Variants in NEK10 observed in about 807,000 individuals in gnomAD.
NEK10 encodes serine/threonine-protein kinase Nek10.
NEK10 carries 122 observed loss-of-function variants against 159.8 expected under a neutral mutation model. That is an observed-to-expected ratio of 0.76 (90% CI 0.66 to 0.89). NEK10 has a LOEUF of 0.89. Among genes scored for constraint, NEK10 ranks in the 40% least tolerant of loss-of-function variants. The pLI is 0.00. For missense variants in NEK10, 1,342 were observed against 1,323.1 expected (o/e 1.01, Z -0.22); for synonymous variants, 466 against 457.1 (o/e 1.02, Z -0.25).
rs556174577 is a variant in NEK10, at chr3:27,309,015, G to T, written c.637-10C>A. The stretch of plus-strand genomic sequence containing the variant: ...GTAAATTTACTAATGTCTGAAAAAT[G>T]AAGTAAAATAAAGTTTAATTATATA... On this transcript the variant is annotated splice_polypyrimidine_tract_variant and intron_variant, in intron 9 of 35. Coordinates refer to ENST00000691995, the MANE Select transcript of NEK10 (RefSeq NM_001394966.1). 2 of 1,466,946 alleles carry T rather than the reference G, an allele frequency of 1.4e-6. No individual in the cohort carries two copies. Among genetic ancestry groups the T allele is most frequent in the East Asian group, 4.6e-5 (2 of 43,442 alleles). 90.9% of individuals were successfully genotyped at this position (1,466,946 alleles called of 1,614,324 possible).
Position 27,174,498 on chromosome 3 carries a change from A to G in NEK10, c.2717T>C (p.Leu906Ser). The stretch of plus-strand genomic sequence containing the variant: ...GCTGCTGGAGTTATCCGAAATGTCC[A>G]ATTCATCATCTACCTCTGAATATGT... ...KDTYSEVDDE[L>S]DISDNSSSSS... Residue 906 changes from leucine (L) to serine (S), a missense_variant, in exon 28 of 36, where the codon TTG becomes TCG. Coordinates refer to ENST00000691995, the MANE Select transcript of NEK10 (RefSeq NM_001394966.1). 6.2e-7 allele frequency: 1 copy of G among 1,612,322 alleles called. No individual in the cohort carries two copies. Among genetic ancestry groups the G allele is most frequent in the Non-Finnish European group, 8.5e-7 (1 of 1,179,624 alleles).
At chr3:27,272,843 A>C (rs1483891795) in intron 22 of NEK10, among the ~76,000 whole-genome samples, 1 of 152,194 alleles carries the variant, frequency 6.6e-6, no homozygotes, top group African/African-American at 2.4e-5. Context: ...AGTTGTGATA[A>C]GATCATTAAA....
intron 30 of NEK10, among the ~76,000 whole-genome samples, chr3:27,148,722 C>T (rs1411436329): frequency 6.6e-6 from 1 of 152,182 alleles, no homozygotes; most frequent in East Asian, 1.9e-4. Flanking sequence ...TCACCCAAGT[C>T]ATGCTGACCT....
chr3:27,365,610 G>T (rs201719563), intron 1 of NEK10, among the ~76,000 whole-genome samples: 1,269 of 99,046 alleles, frequency 0.013, 33 homozygotes, highest in African/African-American at 0.043. Flanking sequence ...TTTTTTTTGT[G>T]TTTTTTTTTT....
At chr3:27,342,181 C>T (rs1403014370) in intron 5 of NEK10, among the ~76,000 whole-genome samples, 1 of 152,086 alleles carries the variant, frequency 6.6e-6, no homozygotes, top group Non-Finnish European at 1.5e-5. Context: ...TACATGCTTA[C>T]CATTTTGTTT....
At position 27,191,736 on chromosome 3, in the gene NEK10, C is replaced by A. The variant is rs1447819622; in HGVS notation, c.2505+293G>T. 3.9e-5 allele frequency among the ~76,000 whole-genome samples: 6 copies of A among 152,142 alleles called. No homozygotes were observed. In the East Asian group the frequency reaches 7.7e-4, roughly 20 times the overall value. ...GATTGCTGAAGAAATTAAATATAAGCATTCACTGCTAATTTTACAGTCTGT... is the reference window on the plus strand; with the variant it reads ...GATTGCTGAAGAAATTAAATATAAGAATTCACTGCTAATTTTACAGTCTGT... On this transcript the variant is annotated intron_variant, in intron 26 of 35. Coordinates refer to ENST00000691995, the MANE Select transcript of NEK10 (RefSeq NM_001394966.1).
At chr3:27,275,278 G>A (rs537483695) in intron 22 of NEK10, among the ~76,000 whole-genome samples, 18 of 152,158 alleles carry the variant, frequency 1.2e-4, no homozygotes, top group Admixed American at 3.3e-4. Flanking sequence ...CCCACCAAAG[G>A]TGTAAGAATC....
chr3:27,152,981 G>A (rs1217723844), intron 30 of NEK10, among the ~76,000 whole-genome samples: 2 of 152,104 alleles, frequency 1.3e-5, no homozygotes, highest in African/African-American at 4.8e-5. Context: ...AAATATATAT[G>A]CACCTAAAAC....
intron 31 of NEK10, among the ~76,000 whole-genome samples, chr3:27,138,455 A>T (rs904470126): frequency 3.9e-5 from 6 of 151,944 alleles, no homozygotes; most frequent in Non-Finnish European, 8.8e-5. Flanking sequence ...CCAATTCTAT[A>T]TTTGTTCCTT....
intron 5 of NEK10, among the ~76,000 whole-genome samples, chr3:27,340,414 C>G (rs1010380516): frequency 2.0e-5 from 3 of 151,990 alleles, no homozygotes; most frequent in African/African-American, 7.2e-5. Flanking sequence ...GCATGTGGGG[C>G]TTAAAACCTA....
chr3:27,179,221 A>G (rs1035638193), intron 26 of NEK10, among the ~76,000 whole-genome samples: 1 of 152,202 alleles, frequency 6.6e-6, no homozygotes, highest in Non-Finnish European at 1.5e-5. Flanking sequence ...TAACTAATTT[A>G]TATGGATTAT....
At chr3:27,165,572 G>A (rs1946400037) in intron 29 of NEK10, among the ~76,000 whole-genome samples, 1 of 152,110 alleles carries the variant, frequency 6.6e-6, no homozygotes, top group South Asian at 2.1e-4. Context: ...TTTTGAAATG[G>A]GCATTGACCA....
intron 26 of NEK10, among the ~76,000 whole-genome samples, chr3:27,184,658 G>A (rs1948448577): frequency 6.6e-6 from 1 of 152,178 alleles, no homozygotes; most frequent in Non-Finnish European, 1.5e-5. Flanking sequence ...AACATAATGA[G>A]CATAGAACAT....
chr3:27,302,624 C>A (rs996879436), intron 12 of NEK10, among the ~76,000 whole-genome samples: 3 of 152,136 alleles, frequency 2.0e-5, no homozygotes, highest in Non-Finnish European at 4.4e-5. Context: ...CTGTCTTTCA[C>A]CTGCTTTGTT....
chr3:27,211,669 A>G (rs550253861), intron 23 of NEK10, among the ~76,000 whole-genome samples: 3 of 152,262 alleles, frequency 2.0e-5, no homozygotes, highest in South Asian at 4.1e-4. Flanking sequence ...ATGGAAACCC[A>G]TATCTGGCAT....
intron 30 of NEK10, among the ~76,000 whole-genome samples, chr3:27,149,812 G>T (rs1453376520): frequency 1.3e-5 from 2 of 152,168 alleles, no homozygotes; most frequent in African/African-American, 4.8e-5. Context: ...AAATGATAAA[G>T]CTTAGTGAGG....
At chr3:27,225,715 C>T (rs769190536) in intron 23 of NEK10, among the ~76,000 whole-genome samples, 1 of 152,204 alleles carries the variant, frequency 6.6e-6, no homozygotes, top group African/African-American at 2.4e-5. Flanking sequence ...TGCCATCTTC[C>T]AACACCACCC....
intron 6 of NEK10, among the ~76,000 whole-genome samples, chr3:27,315,074 G>C (rs147080472): frequency 3.2e-4 from 48 of 152,322 alleles, no homozygotes; most frequent in Non-Finnish European, 5.1e-4. Context: ...TCTACTAATA[G>C]TAAGTGCTCT....
chr3:27,302,264 G>T (rs190222480), intron 12 of NEK10, among the ~76,000 whole-genome samples: 56 of 152,100 alleles, frequency 3.7e-4, no homozygotes, highest in African/African-American at 1.3e-3. Context: ...GATCTCAATT[G>T]TCCACATGTT....
Sources: allele counts gnomAD v4.1 joint callset (sites outside exome capture counted in the v4.1 genomes callset), GRCh38; gene constraint gnomAD v4.1.1; transcripts MANE v1.5; gene names NCBI Gene and HGNC (gene_info 2026-07-23, HGNC 2026-07-21).